The following LEF1 variants were observed in gnomAD, a reference collection of about 807,000 sequenced individuals.
LEF1 encodes lymphoid enhancer binding factor 1.
A neutral mutation model predicts 51.2 loss-of-function variants in LEF1; 14 were observed. The ratio of observed to expected loss-of-function variants is 0.27; its 90% CI spans 0.18 to 0.43. The LOEUF is 0.43. LEF1 is among the 20% of genes least tolerant of loss of function. The pLI is 1.00. For synonymous variants in LEF1, 185 were observed against 183.2 expected, an observed-to-expected ratio of 1.01 and a Z score of -0.08; for missense variants, 386 against 512.0, an observed-to-expected ratio of 0.75 and a Z score of 2.37.
intron 11 of LEF1, among the ~76,000 whole-genome samples, chr4:108,056,404 T>G (rs1215204476): frequency 6.6e-6 from 1 of 152,230 alleles, no homozygotes; most frequent in Non-Finnish European, 1.5e-5. Flanking sequence ...TTAAAACACA[T>G]TTCCCCTTTC....
At chr4:108,076,354 G>T (rs1343465412) in intron 8 of LEF1, among the ~76,000 whole-genome samples, 2 of 152,108 alleles carry the variant, frequency 1.3e-5, no homozygotes, top group Non-Finnish European at 2.9e-5. Flanking sequence ...TTATAGATCT[G>T]TAAATTCTAG....
At chr4:108,166,798 G>T (rs1745427051) in intron 1 of LEF1, 1 of 985,852 alleles carries the variant, frequency 1.0e-6, no homozygotes, top group South Asian at 4.7e-5. Flanking sequence ...CCAAATAAAA[G>T]TTGTGGGTTT....
intron 3 of LEF1, among the ~76,000 whole-genome samples, chr4:108,127,690 G>C (rs973538302): frequency 6.6e-6 from 1 of 152,132 alleles, no homozygotes; most frequent in Non-Finnish European, 1.5e-5. Context: ...AAATTATCGT[G>C]ACTGTAGGAA....
intron 3 of LEF1, among the ~76,000 whole-genome samples, chr4:108,149,458 C>CAAAAA (rs371482539): frequency 7.3e-4 from 44 of 60,588 alleles, no homozygotes; most frequent in African/African-American, 2.7e-3. Flanking sequence ...GACTCCGTCT[C>CAAAAA]AAAAAAAAAA....
chr4:108,137,680 A>C (rs1270614314), intron 3 of LEF1, among the ~76,000 whole-genome samples: 1 of 152,072 alleles, frequency 6.6e-6, no homozygotes, highest in Non-Finnish European at 1.5e-5. Flanking sequence ...TGCTCATCTC[A>C]CCCATCATAT....
chr4:108,129,181 C>T (rs541557313), intron 3 of LEF1, among the ~76,000 whole-genome samples: 1 of 152,272 alleles, frequency 6.6e-6, no homozygotes, highest in South Asian at 2.1e-4. Flanking sequence ...AACACCTCTG[C>T]AGGACTGGGG....
chr4:108,161,669 T>C (rs991660741), intron 3 of LEF1, among the ~76,000 whole-genome samples: 2 of 152,230 alleles, frequency 1.3e-5, no homozygotes, highest in African/African-American at 4.8e-5. Flanking sequence ...TAATTTTCAA[T>C]ATTCTTAGGG....
At chr4:108,152,971 C>T (rs1381910902) in intron 3 of LEF1, among the ~76,000 whole-genome samples, 2 of 152,174 alleles carry the variant, frequency 1.3e-5, no homozygotes, top group East Asian at 3.8e-4. Flanking sequence ...TTTATTTTAC[C>T]ATTATCTTGG....
intron 3 of LEF1, among the ~76,000 whole-genome samples, chr4:108,095,439 G>A (rs185155771): frequency 3.3e-5 from 5 of 152,148 alleles, no homozygotes; most frequent in South Asian, 2.1e-4. Context: ...GATCTGTGCC[G>A]GCATTTGTTT....
At chr4:108,134,410 A>G (rs1323034512) in intron 3 of LEF1, among the ~76,000 whole-genome samples, 1 of 152,194 alleles carries the variant, frequency 6.6e-6, no homozygotes, top group Non-Finnish European at 1.5e-5. Context: ...AGAGGGCTAG[A>G]ATAGGGCTCT....
chr4:108,128,211 G>A (rs1742666106), intron 3 of LEF1, among the ~76,000 whole-genome samples: 1 of 152,040 alleles, frequency 6.6e-6, no homozygotes, highest in African/African-American at 2.4e-5. Flanking sequence ...ATTTGGGAGG[G>A]AGCAGAGTTC....
At chr4:108,162,604 A>T (rs985756035) in intron 3 of LEF1, among the ~76,000 whole-genome samples, 1 of 152,136 alleles carries the variant, frequency 6.6e-6, no homozygotes, top group Non-Finnish European at 1.5e-5. Flanking sequence ...TCCATTTTAC[A>T]ATCTGAGATT....
chr4:108,150,898 A>G (rs1230997775), intron 3 of LEF1, among the ~76,000 whole-genome samples: 2 of 152,208 alleles, frequency 1.3e-5, no homozygotes, highest in Non-Finnish European at 2.9e-5. Context: ...TCACCCTTGG[A>G]CAAAATACTT....
At chr4:108,146,761 A>G (rs561990280) in intron 3 of LEF1, among the ~76,000 whole-genome samples, 272 of 152,322 alleles carry the variant, frequency 1.8e-3, no homozygotes, top group Non-Finnish European at 2.9e-3. Context: ...GTTAGTGTTC[A>G]AAGAGTTTCA....
chr4:108,070,636 A>G, intron 9 of LEF1, 27 bp downstream of exon 9: 2 of 1,437,494 alleles, frequency 1.4e-6, no homozygotes, highest in Non-Finnish European at 2.0e-6. Flanking sequence ...GAGAGTGGAG[A>G]GCCACTGGTA....
intron 3 of LEF1, among the ~76,000 whole-genome samples, chr4:108,121,052 T>C (rs1174536030): frequency 6.6e-6 from 1 of 152,210 alleles, no homozygotes; most frequent in Non-Finnish European, 1.5e-5. Flanking sequence ...CTTTGCCACA[T>C]TGTAAAAGTG....
rs988803020 is a variant in LEF1, at chr4:108,066,236, C to T, written c.1117-1852G>A. ...AGTGCACGCTTCTTTCAAGTATCCACAACGGTCCTTTCAATGTAATTACTG... is the reference window on the plus strand; with the variant it reads ...AGTGCACGCTTCTTTCAAGTATCCATAACGGTCCTTTCAATGTAATTACTG... On this transcript the variant is annotated intron_variant, in intron 9 of 11. Transcript: ENST00000265165. 2.6e-5 allele frequency among the ~76,000 whole-genome samples: 4 copies of T among 152,192 alleles called. No individual in the cohort carries two copies. In the East Asian group the frequency reaches 5.8e-4, roughly 22 times the overall value.
At chr4:108,157,925 T>G (rs1334108466) in intron 3 of LEF1, among the ~76,000 whole-genome samples, 1 of 152,182 alleles carries the variant, frequency 6.6e-6, no homozygotes, top group Non-Finnish European at 1.5e-5. Context: ...CTGCTAACAG[T>G]CTGCAAATAG....
chr4:108,103,499 C>T (rs1740955138), intron 3 of LEF1, among the ~76,000 whole-genome samples: 1 of 152,220 alleles, frequency 6.6e-6, no homozygotes, highest in South Asian at 2.1e-4. Context: ...TTCACGCTCT[C>T]AATTCTTCCA....
Sources: allele counts gnomAD v4.1 joint callset (sites outside exome capture counted in the v4.1 genomes callset), GRCh38; gene constraint gnomAD v4.1.1; transcripts MANE v1.5; gene names NCBI Gene and HGNC (gene_info 2026-07-23, HGNC 2026-07-21).